CPXM2: variants seen among roughly 807,000 people sequenced by gnomAD.
The protein encoded by CPXM2 is carboxypeptidase X, M14 family member 2.
A neutral mutation model predicts 86.1 loss-of-function variants in CPXM2; 66 were observed. That is an observed-to-expected ratio of 0.77 (90% CI 0.63 to 0.94). CPXM2 has a LOEUF of 0.94. CPXM2 is among the 40% of genes least tolerant of loss of function. The pLI, the probability that CPXM2 is intolerant of heterozygous loss-of-function variation, is 0.00. For missense variants in CPXM2, 948 were observed against 1,026.3 expected, an observed-to-expected ratio of 0.92 and a Z score of 1.04; for synonymous variants, 388 against 400.2, an observed-to-expected ratio of 0.97 and a Z score of 0.36.
chr10:123,788,118 T>C (rs1847111901), intron 6 of CPXM2, among the ~76,000 whole-genome samples: 1 of 151,328 alleles, frequency 6.6e-6, no homozygotes, highest in African/African-American at 2.4e-5. Flanking sequence ...CGGTCTCTAC[T>C]AAAAATACAA....
chr10:123,910,952 A>C (rs999397964), intron 2 of CPXM2, among the ~76,000 whole-genome samples: 1 of 151,816 alleles, frequency 6.6e-6, no homozygotes. Context: ...TCGTGCTGCT[A>C]TGTCTGGATC....
intron 2 of CPXM2, among the ~76,000 whole-genome samples, chr10:123,905,774 C>T (rs1209021682): frequency 2.0e-5 from 3 of 152,076 alleles, no homozygotes; most frequent in African/African-American, 4.8e-5. Context: ...TTCTGTTTCT[C>T]GCCTTCCTGC....
chr10:123,761,984 A>G lies in CPXM2; in HGVS notation c.1665T>C (p.Tyr555=), dbSNP rs1004199677. 3 of 1,613,846 alleles carry G rather than the reference A, an allele frequency of 1.9e-6. No individual in the cohort carries two copies. The South Asian group carries it at 3.3e-5, about 18-fold the overall frequency. Residue 555 remains tyrosine (Y), a synonymous_variant, in exon 11 of 14, where the codon TAT becomes TAC. Coordinates refer to ENST00000241305, the MANE Select transcript of CPXM2 (RefSeq NM_198148.3). ...CTGTCATGAGGCGGTGTGTGGAGGC[A>G]TAGGAGTAGGCCAGCCAGCGGAACA... ...DHVFRWLAYS[Y]ASTHRLMTDA...
intron 2 of CPXM2, among the ~76,000 whole-genome samples, chr10:123,869,894 C>T (rs1163951665): frequency 6.6e-6 from 1 of 152,170 alleles, no homozygotes; most frequent in East Asian, 1.9e-4. Context: ...CCAGAAATTC[C>T]AGGACACAGT....
intron 10 of CPXM2, among the ~76,000 whole-genome samples, chr10:123,766,759 G>A (rs1198470373): frequency 1.3e-5 from 2 of 152,142 alleles, no homozygotes; most frequent in African/African-American, 4.8e-5. Flanking sequence ...TGCTTGTTAA[G>A]AAATACAATT....
At chr10:123,833,211 G>A (rs970105717) in intron 4 of CPXM2, among the ~76,000 whole-genome samples, 1 of 152,178 alleles carries the variant, frequency 6.6e-6, no homozygotes, top group Non-Finnish European at 1.5e-5. Context: ...TACAATGAGA[G>A]AAGAAAGGAA....
At chr10:123,943,980 C>T (rs1420046288), upstream of CPXM2, among the ~76,000 whole-genome samples, 1 of 152,208 alleles carries the variant, frequency 6.6e-6, no homozygotes, top group Admixed American at 6.5e-5. Flanking sequence ...CCATCGTCAT[C>T]GTGGTCACCT....
chr10:123,888,438 T>C (rs1457502019), intron 1 of CPXM2, among the ~76,000 whole-genome samples: 1 of 152,224 alleles, frequency 6.6e-6, no homozygotes, highest in African/African-American at 2.4e-5. Flanking sequence ...TACAGAAGTT[T>C]GCATTAAACA....
At chr10:123,875,807 C>CTTTTTTTTTTTTTT (rs780970130) in intron 2 of CPXM2, among the ~76,000 whole-genome samples, 8 of 84,680 alleles carry the variant, frequency 9.4e-5, no homozygotes, top group African/African-American at 2.1e-4. Context: ...TCTTTTCTTT[C>CTTTTTTTTTTTTTT]TTTTTTTTTT....
At chr10:123,878,847 C>G (rs1262415253) in intron 2 of CPXM2, among the ~76,000 whole-genome samples, 1 of 152,120 alleles carries the variant, frequency 6.6e-6, no homozygotes, top group Non-Finnish European at 1.5e-5. Flanking sequence ...CCTGAAGAAA[C>G]AGCTGGTGTT....
Position 123,768,837 on chromosome 10 carries a change from G to GACC in CPXM2, c.1103-118_1103-116dup, listed in dbSNP as rs572240858. On this transcript the variant is annotated intron_variant, in intron 8 of 13. Coordinates refer to ENST00000241305, the MANE Select transcript of CPXM2 (RefSeq NM_198148.3). ...TGAATAATATAAGCTTACCGTTTTAGACCTATTTGTTCTTTCAAACAAACC... is the reference window on the plus strand; with the variant it reads ...TGAATAATATAAGCTTACCGTTTTAGACCACCTATTTGTTCTTTCAAACAAACC... The GACC allele has an allele frequency of 1.7e-4, 153 of 883,108 alleles. No individual in the cohort carries two copies. In the African/African-American group the frequency reaches 2.1e-3, roughly 12 times the overall value. The allele number at this position is 883,108 out of a possible 1,614,324, so 54.7% of individuals were successfully genotyped here. A position where few individuals can be genotyped will look rare whatever the true frequency, so the allele number is the denominator to read the frequency against.
chr10:123,857,129 GAA>G (rs1848742731), intron 3 of CPXM2, among the ~76,000 whole-genome samples: 1 of 152,114 alleles, frequency 6.6e-6, no homozygotes, highest in Non-Finnish European at 1.5e-5. Context: ...TTGAATTCCT[GAA>G]AAGTCTATTT....
At chr10:123,752,515 A>G in intron 13 of CPXM2, 1 of 985,374 alleles carries the variant, frequency 1.0e-6, no homozygotes, top group Non-Finnish European at 1.2e-6. Context: ...ACTGCTAGGG[A>G]GCCTGGCAAT....
chr10:123,770,033 G>A (rs1181880226), intron 8 of CPXM2, among the ~76,000 whole-genome samples: 1 of 152,174 alleles, frequency 6.6e-6, no homozygotes, highest in Non-Finnish European at 1.5e-5. Context: ...CAGCACTTTG[G>A]GAGGCCAAGG....
At chr10:123,769,941 G>A (rs1311469712) in intron 8 of CPXM2, among the ~76,000 whole-genome samples, 1 of 152,326 alleles carries the variant, frequency 6.6e-6, no homozygotes, top group East Asian at 1.9e-4. Flanking sequence ...TGCTTTTGAG[G>A]AAATGTGATT....
Position 123,746,184 on chromosome 10 carries a change from C to T in CPXM2, c.*580G>A, listed in dbSNP as rs572301974. Reference sequence around the variant, plus strand: ...CACACTCCTTTGTTGAAAAAGGAGACTAAACAGATTCAAGAGGCTCACTGA... The same window carrying T: ...CACACTCCTTTGTTGAAAAAGGAGATTAAACAGATTCAAGAGGCTCACTGA... On this transcript the variant is annotated 3_prime_UTR_variant, in exon 14 of 14. Transcript: ENST00000241305. 2 of 153,308 alleles carry T rather than the reference C, an allele frequency of 1.3e-5. 1 individual carries two copies. Among genetic ancestry groups the T allele is most frequent in the South Asian group, 4.1e-4 (2 of 4,852 alleles). 9.5% of individuals were successfully genotyped at this position (153,308 alleles called of 1,614,324 possible).
intron 2 of CPXM2, among the ~76,000 whole-genome samples, chr10:123,900,764 C>T (rs933093556): frequency 3.9e-5 from 6 of 152,220 alleles, no homozygotes; most frequent in African/African-American, 1.4e-4. Context: ...AGCTGAAAAG[C>T]ATTTTTTATT....
chr10:123,920,178 C>T (rs72631125), intron 2 of CPXM2, among the ~76,000 whole-genome samples: 3,057 of 152,252 alleles, frequency 0.02, 84 homozygotes, highest in East Asian at 0.093. Context: ...AAAAATAAAT[C>T]AACAGAGCCT....
At chr10:123,899,455 C>A (rs1484688107) in intron 2 of CPXM2, among the ~76,000 whole-genome samples, 1 of 152,248 alleles carries the variant, frequency 6.6e-6, no homozygotes, top group Admixed American at 6.5e-5. Flanking sequence ...TAATATACAG[C>A]ATCTGTTTAA....
Sources: gnomAD v4.1 joint callset for allele counts (sites outside exome capture counted in the v4.1 genomes callset) on GRCh38, gnomAD v4.1.1 for gene constraint, MANE v1.5 for transcripts, NCBI Gene and HGNC (gene_info 2026-07-23, HGNC 2026-07-21) for gene names.